Variants in SEC23IP observed in about 807,000 individuals in gnomAD.
The protein encoded by SEC23IP is SEC23 interacting protein.
In SEC23IP, 70 loss-of-function variants were observed where a neutral mutation model predicts 113.4. The observed-to-expected ratio is 0.62, with a 90% CI of 0.51 to 0.75. The LOEUF is 0.75. Among genes scored for constraint, SEC23IP ranks in the 30% least tolerant of loss-of-function variants. The pLI is 0.00. For synonymous variants in SEC23IP, 398 were observed against 421.0 expected (o/e 0.95, Z 0.67); for missense variants, 1,160 against 1,204.9 (o/e 0.96, Z 0.55).
At chr10:119,899,889 C>G (rs577852225) in intron 2 of SEC23IP, among the ~76,000 whole-genome samples, 3 of 152,284 alleles carry the variant, frequency 2.0e-5, no homozygotes, top group Non-Finnish European at 2.9e-5. Flanking sequence ...ATATCCTTTA[C>G]TCAGGTTTAC....
In SEC23IP at chr10:119,902,847, C is replaced by A; in HGVS notation, c.745C>A (p.Pro249Thr). 6.2e-7 allele frequency: 1 copy of A among 1,614,202 alleles called. No homozygotes were observed. The highest frequency in any genetic ancestry group is 8.5e-7 in the Non-Finnish European group (1 of 1,180,028). The change falls in exon 3 of 19, where the codon CCT becomes ACT. Residue 249 changes from proline to threonine, a missense_variant. Physicochemically the swap from Pro to Thr is conservative, Grantham distance 38. Transcript: ENST00000369075. ...SPAQQQVPAR[P>T]GAPSVQVPSP... ...GGCACAGCAGCAGGTACCTGCCAGA[C>A]CTGGGGCTCCCTCTGTTCAAGTGCC...
At chr10:119,920,572 A>T (rs1423882781) in intron 11 of SEC23IP, among the ~76,000 whole-genome samples, 1 of 152,200 alleles carries the variant, frequency 6.6e-6, no homozygotes, top group African/African-American at 2.4e-5. Flanking sequence ...AAGTTTCCAC[A>T]GTTGCGCTGA....
intron 4 of SEC23IP, 132 bp downstream of exon 4, chr10:119,904,409 G>A: frequency 2.7e-6 from 2 of 750,280 alleles, no homozygotes; most frequent in South Asian, 1.8e-5. Flanking sequence ...TCACAGAGAA[G>A]ATTACTTTTT....
Position 119,898,418 on chromosome 10 carries a change from C to A in SEC23IP, c.164-9C>A. 1 of 1,604,490 alleles carries A rather than the reference C, an allele frequency of 6.2e-7. No homozygotes were observed. Among genetic ancestry groups the A allele is most frequent in the Non-Finnish European group, 8.5e-7 (1 of 1,174,708 alleles). ...CCTTTAAACCACATGCTCTCCTGTT[C>A]CATTTCAGAGGATTCCACAGATGTT... On this transcript the variant is annotated splice_polypyrimidine_tract_variant and intron_variant, in intron 1 of 18. Transcript: ENST00000369075.
chr10:119,937,773 T>A (rs1855845420), intron 18 of SEC23IP, among the ~76,000 whole-genome samples: 1 of 152,226 alleles, frequency 6.6e-6, no homozygotes, highest in African/African-American at 2.4e-5. Context: ...ACAATTTAAC[T>A]TTTTTCTTAC....
At chr10:119,899,731 T>G (rs1307389089) in intron 2 of SEC23IP, among the ~76,000 whole-genome samples, 1 of 152,230 alleles carries the variant, frequency 6.6e-6, no homozygotes, top group African/African-American at 2.4e-5. Context: ...GCATGTGGTA[T>G]ATAGTTAGTA....
intron 17 of SEC23IP, 92 bp downstream of exon 17, chr10:119,933,259 C>G (rs1855665062): frequency 5.0e-6 from 5 of 994,206 alleles, no homozygotes; most frequent in Non-Finnish European, 7.8e-6. Flanking sequence ...TTTACTGATA[C>G]AATGTACTAT....
In SEC23IP at chr10:119,939,948, C is replaced by T. The variant is rs1002896550; in HGVS notation, c.*21-638C>T. On this transcript the variant is annotated intron_variant, in intron 18 of 18. Transcript: ENST00000369075. ...CTGAGCTGAGATGATCCACTTGCCT[C>T]GGCCTCCCACAGTGCTGGGATTACA... is the stretch of plus-strand genomic sequence containing the variant. 7.9e-5 allele frequency among the ~76,000 whole-genome samples: 12 copies of T among 152,212 alleles called. 1 individual carries two copies. The South Asian group carries it at 1.5e-3, about 18-fold the overall frequency.
chr10:119,926,164 A>G lies in SEC23IP; in HGVS notation c.2250A>G (p.Pro750=), dbSNP rs752853383. The G allele has an allele frequency of 1.9e-6, 3 of 1,614,024 alleles. No individual in the cohort carries two copies. The highest frequency in any genetic ancestry group is 2.2e-5 in the East Asian group (1 of 44,884). Residue 750 remains proline, a synonymous_variant, in exon 13 of 19, where the codon CCA becomes CCG. Coordinates refer to ENST00000369075, the MANE Select transcript of SEC23IP (RefSeq NM_007190.4). ...CCAATGAGCCAAAGAGGAAACTTCC[A>G]GTTGGTGCTTGCGTGTCTTCTGTGT... The part of the protein sequence containing the change: ...SESNEPKRKL[P]VGACVSSVCV...
chr10:119,932,794 A>G (rs1224949642), intron 16 of SEC23IP, among the ~76,000 whole-genome samples: 1 of 151,880 alleles, frequency 6.6e-6, no homozygotes, highest in Non-Finnish European at 1.5e-5. Flanking sequence ...TATCTTCACA[A>G]CTTCTCTCAG....
chr10:119,906,281 CAGA>C (rs558598492), intron 4 of SEC23IP, among the ~76,000 whole-genome samples: 1 of 57,818 alleles, frequency 1.7e-5, no homozygotes, highest in Non-Finnish European at 3.0e-5. Flanking sequence ...GACCTTGTCT[CAGA>C]AAAAAAAAAA....
Position 119,893,007 on chromosome 10 carries a change from AG to A in SEC23IP, c.163+64del. 3 of 1,537,846 alleles carry A rather than the reference AG, an allele frequency of 2.0e-6. No individual in the cohort carries two copies. In the South Asian group the frequency reaches 3.6e-5, roughly 19 times the overall value. On this transcript the variant is annotated intron_variant, in intron 1 of 18. Coordinates refer to ENST00000369075, the MANE Select transcript of SEC23IP (RefSeq NM_007190.4). ...GCGGGCGGGGGACGTGCAATGACAA[AG>A]GTCAGACGGGAGTTTTTCCTTCTGC...
Position 119,901,305 on chromosome 10 carries a change from C to T in SEC23IP, c.697-1494C>T, listed in dbSNP as rs1174151454. Among the ~76,000 whole-genome samples the T allele has an allele frequency of 4.6e-5, 7 of 151,978 alleles. No individual in the cohort carries two copies. The South Asian group carries it at 1.0e-3, about 23-fold the overall frequency. Reference sequence around the variant, plus strand: ...TATAGGTGTGAACCATCGTGTCTATCCTCTAAAACTTTTATTTTTGTTTAT... The same window carrying T: ...TATAGGTGTGAACCATCGTGTCTATTCTCTAAAACTTTTATTTTTGTTTAT... On this transcript the variant is annotated intron_variant, in intron 2 of 18. Transcript: ENST00000369075.
At chr10:119,894,472 G>A (rs573433572) in intron 1 of SEC23IP, among the ~76,000 whole-genome samples, 22 of 152,312 alleles carry the variant, frequency 1.4e-4, no homozygotes, top group Middle Eastern at 3.4e-3. Flanking sequence ...ACTGCACTAG[G>A]ATGTAAGACC....
intron 6 of SEC23IP, 115 bp from the exon 7 acceptor site, chr10:119,914,615 T>G: frequency 1.3e-6 from 1 of 799,404 alleles, no homozygotes; most frequent in Non-Finnish European, 2.2e-6. Context: ...CTTTGAAGGG[T>G]CATGAATTTC....
intron 18 of SEC23IP, 131 bp downstream of exon 18, chr10:119,933,918 G>A: frequency 2.1e-6 from 1 of 486,906 alleles, no homozygotes; most frequent in Non-Finnish European, 3.6e-6. Flanking sequence ...TTAAAAATTT[G>A]CAATAGAGAC....
Position 119,942,680 on chromosome 10 carries a change from C to T in SEC23IP, c.*2115C>T, listed in dbSNP as rs537678815. 2 of 152,118 alleles carry T rather than the reference C, an allele frequency of 1.3e-5. No individual in the cohort carries two copies. Among genetic ancestry groups the T allele is most frequent in the African/African-American group, 2.4e-5 (1 of 41,420 alleles). 9.4% of individuals were successfully genotyped at this position (152,118 alleles called of 1,614,324 possible). On this transcript the variant is annotated 3_prime_UTR_variant, in exon 19 of 19. Coordinates refer to ENST00000369075, the MANE Select transcript of SEC23IP (RefSeq NM_007190.4). ...AGAGTTTGGCACAAAAAGTAAAAAG[C>T]GCCAGCATCTGAAGTCAAAGGTGAA...
At chr10:119,931,935 TAA>T (rs59278266) in intron 15 of SEC23IP, among the ~76,000 whole-genome samples, 196 bp from the exon 16 acceptor site, 18 of 148,614 alleles carry the variant, frequency 1.2e-4, no homozygotes, top group African/African-American at 4.2e-4. Context: ...GTTTAGTCAT[TAA>T]AAAAAAAAGC....
Position 119,919,614 on chromosome 10 carries a change from C to T in SEC23IP, c.2025+18C>T, listed in dbSNP as rs776416215. The T allele has an allele frequency of 1.3e-6, 2 of 1,550,276 alleles. No individual in the cohort carries two copies. Among genetic ancestry groups the T allele is most frequent in the Non-Finnish European group, 8.7e-7 (1 of 1,153,900 alleles). On this transcript the variant is annotated intron_variant, in intron 11 of 18. Coordinates refer to ENST00000369075, the MANE Select transcript of SEC23IP (RefSeq NM_007190.4). ...AGTCCCTGGTACTGATCATAGTTTG[C>T]TTCATTTTGTTTGAAATTGTTTTTC...
Sources: allele counts gnomAD v4.1 joint callset (sites outside exome capture counted in the v4.1 genomes callset), GRCh38; gene constraint gnomAD v4.1.1; transcripts MANE v1.5; gene names NCBI Gene and HGNC (gene_info 2026-07-23, HGNC 2026-07-21).